The following LRMDA variants were observed in gnomAD, a reference collection of about 807,000 sequenced individuals.
LRMDA encodes the protein leucine rich melanocyte differentiation associated, also known as leucine-rich melanocyte differentiation-associated protein.
Under a neutral mutation model 29.8 loss-of-function variants are expected in LRMDA, and 18 were observed. That is an observed-to-expected ratio of 0.60 (90% CI 0.42 to 0.90). The LOEUF is 0.90. Ranked by LOEUF, LRMDA falls within the 40% of genes least tolerant of loss-of-function variation. The probability of loss-of-function intolerance (pLI) is 0.00; values close to 1 mark genes in which losing one functional copy is unlikely to be tolerated. For synonymous variants in LRMDA, 125 were observed against 109.4 expected (o/e 1.14, Z -0.89); for missense variants, 273 against 273.9 (o/e 1.00, Z 0.02).
At chr10:76,125,779 C>T (rs920879577) in intron 5 of LRMDA, among the ~76,000 whole-genome samples, 2 of 152,186 alleles carry the variant, frequency 1.3e-5, no homozygotes, top group African/African-American at 2.4e-5. Context: ...ATGACTGTCT[C>T]GACCTCCTCA....
At position 76,302,620 on chromosome 10, in the gene LRMDA, GTGGTTTGTGATAT is replaced by G. The variant is rs554760616; in HGVS notation, c.517-21777_517-21765del. On this transcript the variant is annotated intron_variant, in intron 5 of 6. Coordinates refer to ENST00000611255, the MANE Select transcript of LRMDA (RefSeq NM_001305581.2). ...TTCTTGCCTTTTAGAGAAAATGTTT[GTGGTTTGTGATAT>G]TGGATGATTTATTTCTTATTATGGC... is the stretch of plus-strand genomic sequence containing the variant. Among the ~76,000 whole-genome samples, 113 of 152,224 alleles carry G rather than the reference GTGGTTTGTGATAT, an allele frequency of 7.4e-4. 5 individuals carry two copies. In the South Asian group the frequency reaches 0.023, roughly 30 times the overall value.
intron 6 of LRMDA, among the ~76,000 whole-genome samples, chr10:76,542,062 T>C (rs1843363823): frequency 6.6e-6 from 1 of 151,984 alleles, no homozygotes. Context: ...CACGTGTGTG[T>C]GTGTGTGTGT....
chr10:75,833,025 A>G (rs143591371), intron 2 of LRMDA, among the ~76,000 whole-genome samples: 291 of 152,302 alleles, frequency 1.9e-3, no homozygotes, highest in Middle Eastern at 0.017. Flanking sequence ...ATCACATATC[A>G]TAGGTTTTCT....
chr10:76,014,885 C>T (rs1847856764), intron 2 of LRMDA, among the ~76,000 whole-genome samples: 1 of 152,196 alleles, frequency 6.6e-6, no homozygotes, highest in Admixed American at 6.5e-5. Context: ...AGAAGGCTAG[C>T]CTCCTGGCTG....
intron 5 of LRMDA, among the ~76,000 whole-genome samples, chr10:76,174,513 A>C (rs2132197734): frequency 6.6e-6 from 1 of 152,326 alleles, no homozygotes; most frequent in South Asian, 2.1e-4. Flanking sequence ...TTTTCCTAAA[A>C]GGAAAACATT....
At chr10:75,820,847 C>T (rs749314642) in intron 2 of LRMDA, among the ~76,000 whole-genome samples, 1 of 151,954 alleles carries the variant, frequency 6.6e-6, no homozygotes, top group Non-Finnish European at 1.5e-5. Context: ...AATGGTATAA[C>T]CAAAATACAA....
At chr10:75,544,702 T>C (rs534148923) in intron 2 of LRMDA, among the ~76,000 whole-genome samples, 26 of 152,154 alleles carry the variant, frequency 1.7e-4, no homozygotes, top group Non-Finnish European at 2.9e-4. Flanking sequence ...TTTTTTTTTC[T>C]GCATGATTTG....
intron 5 of LRMDA, among the ~76,000 whole-genome samples, chr10:76,094,624 T>C (rs958673557): frequency 6.6e-6 from 1 of 152,184 alleles, no homozygotes; most frequent in African/African-American, 2.4e-5. Flanking sequence ...CTGGTGCCAG[T>C]ATGAAAATTA....
chr10:75,774,553 A>C (rs1323308682), intron 2 of LRMDA, among the ~76,000 whole-genome samples: 1 of 152,168 alleles, frequency 6.6e-6, no homozygotes, highest in Non-Finnish European at 1.5e-5. Flanking sequence ...GTTGAGAACG[A>C]TGAGGAGCAG....
intron 2 of LRMDA, among the ~76,000 whole-genome samples, chr10:75,998,155 C>T (rs539103440): frequency 2.0e-5 from 3 of 152,090 alleles, no homozygotes; most frequent in East Asian, 1.9e-4. Flanking sequence ...AGAAGTGTCC[C>T]GTTTGTAAAG....
intron 2 of LRMDA, among the ~76,000 whole-genome samples, chr10:75,455,291 A>T (rs1158512955): frequency 3.3e-5 from 5 of 152,158 alleles, no homozygotes; most frequent in African/African-American, 1.2e-4. Flanking sequence ...CCTCCTGTTT[A>T]TTGTAGATAC....
At chr10:75,525,353 C>T (rs1845401765) in intron 2 of LRMDA, among the ~76,000 whole-genome samples, 1 of 152,004 alleles carries the variant, frequency 6.6e-6, no homozygotes, top group African/African-American at 2.4e-5. Context: ...GGATGTGAGC[C>T]CAGGTCTGCC....
chr10:75,461,921 A>G (rs1455348679), intron 2 of LRMDA, among the ~76,000 whole-genome samples: 2 of 152,188 alleles, frequency 1.3e-5, no homozygotes, highest in East Asian at 3.9e-4. Flanking sequence ...AGAGCAAGCA[A>G]CTCAAACCAT....
At chr10:76,449,953 C>A (rs1395220103) in intron 6 of LRMDA, among the ~76,000 whole-genome samples, 3 of 151,878 alleles carry the variant, frequency 2.0e-5, no homozygotes, top group African/African-American at 7.2e-5. Flanking sequence ...ATTTTGTGCC[C>A]ATGTTACAAC....
intron 2 of LRMDA, among the ~76,000 whole-genome samples, chr10:75,541,557 C>G (rs1044018388): frequency 6.6e-6 from 1 of 152,158 alleles, no homozygotes; most frequent in Admixed American, 6.5e-5. Context: ...GTAGGGAGCC[C>G]TGAGAAATGC....
At chr10:76,151,401 T>A (rs1033653849) in intron 5 of LRMDA, among the ~76,000 whole-genome samples, 2 of 152,150 alleles carry the variant, frequency 1.3e-5, no homozygotes, top group African/African-American at 2.4e-5. Context: ...ATTACCCAGT[T>A]TTTTTTTCCC....
At chr10:76,431,649 C>T (rs1170952877) in intron 6 of LRMDA, among the ~76,000 whole-genome samples, 1 of 152,132 alleles carries the variant, frequency 6.6e-6, no homozygotes, top group African/African-American at 2.4e-5. Context: ...TGGATGATAA[C>T]TTAGACCTAT....
chr10:76,170,963 T>C (rs1850824881), intron 5 of LRMDA, among the ~76,000 whole-genome samples: 1 of 152,248 alleles, frequency 6.6e-6, no homozygotes, highest in African/African-American at 2.4e-5. Context: ...TTGGTAAATG[T>C]ACAATAAATA....
intron 5 of LRMDA, among the ~76,000 whole-genome samples, chr10:76,182,863 TG>T (rs2132210648): frequency 6.6e-6 from 1 of 152,234 alleles, no homozygotes; most frequent in South Asian, 2.1e-4. Flanking sequence ...TAAGGGGTGA[TG>T]GTCCCAGGAA....
Sources: gnomAD v4.1 joint callset for allele counts (sites outside exome capture counted in the v4.1 genomes callset) on GRCh38, gnomAD v4.1.1 for gene constraint, MANE v1.5 for transcripts, NCBI Gene and HGNC (gene_info 2026-07-23, HGNC 2026-07-21) for gene names.